The following PROKR1 variants were observed in gnomAD, a reference collection of about 807,000 sequenced individuals.
The protein encoded by PROKR1 is prokineticin receptor 1.
PROKR1 carries 21 observed loss-of-function variants against 22.8 expected under a neutral mutation model. That is an observed-to-expected ratio of 0.92 (90% CI 0.65 to 1.32). The LOEUF (loss-of-function observed/expected upper bound fraction) is 1.32, where lower values mean the gene tolerates loss of function less well. Among genes scored for constraint, PROKR1 ranks in the 40% most tolerant of loss-of-function variants. The pLI is 0.00. For synonymous variants in PROKR1, 193 were observed against 207.5 expected, an observed-to-expected ratio of 0.93 and a Z score of 0.60; for missense variants, 548 against 514.2, an observed-to-expected ratio of 1.07 and a Z score of -0.64.
At position 68,655,167 on chromosome 2, in the gene PROKR1, A is replaced by G. The variant is rs764251388; in HGVS notation, c.773A>G (p.Glu258Gly). The G allele has an allele frequency of 8.1e-6, 13 of 1,614,128 alleles. 1 individual carries two copies. The highest frequency in any genetic ancestry group is 1.6e-4 in the Middle Eastern group (1 of 6,062). Reference protein sequence around the residue: ...MTLCYARISRELWFKAVPGFQ... With the variant: ...MTLCYARISRGLWFKAVPGFQ... ...CTGTGCTATGCCAGGATCTCCCGGGAGCTCTGGTTCAAGGCGGTCCCTGGA... is the reference window on the plus strand; with the variant it reads ...CTGTGCTATGCCAGGATCTCCCGGGGGCTCTGGTTCAAGGCGGTCCCTGGA... Residue 258 changes from glutamate to glycine, a missense_variant, in exon 3 of 3, where the codon GAG (glutamate) becomes GGG (glycine). Transcript: ENST00000303786.
At chr2:68,649,037 C>T (rs1673249559) in intron 2 of PROKR1, among the ~76,000 whole-genome samples, 2 of 151,980 alleles carry the variant, frequency 1.3e-5, no homozygotes. Context: ...TAAATTAACC[C>T]TTATAGGAAT....
intron 2 of PROKR1, among the ~76,000 whole-genome samples, chr2:68,651,777 AT>A (rs1673337161): frequency 6.6e-6 from 1 of 152,180 alleles, no homozygotes; most frequent in South Asian, 2.1e-4. Flanking sequence ...TTTCCAGCCC[AT>A]TATTATCACA....
intron 2 of PROKR1, 138 bp downstream of exon 2, chr2:68,646,444 A>C (rs1056505186): frequency 1.6e-5 from 20 of 1,284,732 alleles, no homozygotes; most frequent in Non-Finnish European, 2.2e-5. Flanking sequence ...GGGGACTCAA[A>C]AGCTTGCCCA....
In PROKR1 at chr2:68,655,266, C is replaced by G. The variant is rs199986686; in HGVS notation, c.872C>G (p.Thr291Ser). ...KTVLVLMCIL[T>S]AYVLCWAPFY... is the part of the protein sequence containing the mutation. ...GTCCTGGTGCTCATGTGCATCCTCA[C>G]CGCCTACGTGCTATGCTGGGCGCCC... Residue 291 changes from threonine to serine, a missense_variant, in exon 3 of 3, where the codon ACC becomes AGC. Thr to Ser is a moderately conservative substitution (Grantham distance 58). Coordinates refer to ENST00000303786, the MANE Select transcript of PROKR1 (RefSeq NM_138964.4). 113 of 1,614,150 alleles carry G rather than the reference C, an allele frequency of 7.0e-5. No homozygotes were observed. The highest frequency in any genetic ancestry group is 9.2e-5 in the Non-Finnish European group (109 of 1,180,056).
intron 2 of PROKR1, 27 bp downstream of exon 2, chr2:68,646,333 A>C (rs1673179257): frequency 2.2e-5 from 36 of 1,613,752 alleles, no homozygotes; most frequent in Non-Finnish European, 3.1e-5. Context: ...TGGGGACAAC[A>C]AAGGCGGTCA....
chr2:68,648,707 T>G (rs556728998), intron 2 of PROKR1, among the ~76,000 whole-genome samples: 1 of 152,348 alleles, frequency 6.6e-6, no homozygotes, highest in Admixed American at 6.5e-5. Context: ...ATTTGATCAG[T>G]TGGGAGCAAC....
rs1673443291 is a variant in PROKR1, at chr2:68,655,828, A to G, written c.*252A>G. 3 of 530,660 alleles carry G rather than the reference A, an allele frequency of 5.7e-6. No homozygotes were observed. Among genetic ancestry groups the G allele is most frequent in the African/African-American group, 1.9e-5 (1 of 52,474 alleles). The allele number at this position is 530,660 out of a possible 1,614,324, so 32.9% of individuals were successfully genotyped here. A position where few individuals can be genotyped will look rare whatever the true frequency, so the allele number is the denominator to read the frequency against. On this transcript the variant is annotated 3_prime_UTR_variant, in exon 3 of 3. Coordinates refer to ENST00000303786, the MANE Select transcript of PROKR1 (RefSeq NM_138964.4). ...CTGGTAAAACCTATATATGTTGATG[A>G]CATTTAGTTGGCAAAATGAAATTGG...
chr2:68,654,922 C>A lies in PROKR1; in HGVS notation c.528C>A (p.Cys176Ter), dbSNP rs1435383922. 2 of 1,613,902 alleles carry A rather than the reference C, an allele frequency of 1.2e-6. No individual in the cohort carries two copies. The highest frequency in any genetic ancestry group is 1.7e-6 in the Non-Finnish European group (2 of 1,180,020). Residue 176 changes from cysteine (C) to a stop codon, truncating the protein, a stop_gained, in exon 3 of 3, where the codon TGC becomes TGA. Transcript: ENST00000303786. LOFTEE classifies it high-confidence loss of function. ...ATCCGCTGAGACCACGGATGAAGTG[C>A]CAAACAGCCACTGGCCTGATTGCCT... The part of the protein sequence containing the change: ...IVHPLRPRMK[C>*]QTATGLIALV...
chr2:68,647,433 T>C (rs937689820), intron 2 of PROKR1, among the ~76,000 whole-genome samples: 1 of 152,280 alleles, frequency 6.6e-6, no homozygotes, highest in South Asian at 2.1e-4. Flanking sequence ...CTGAACAGCC[T>C]GTCTCTCTCC....
rs1481314803 is a variant in PROKR1 at position 68,655,917 on chromosome 2, AG to A, written c.*342del. 2 of 376,552 alleles carry A rather than the reference AG, an allele frequency of 5.3e-6. No individual in the cohort carries two copies. Among genetic ancestry groups the A allele is most frequent in the Admixed American group, 7.9e-5 (2 of 25,304 alleles). 23.3% of individuals were successfully genotyped at this position (376,552 alleles called of 1,614,324 possible). A position where few individuals can be genotyped will look rare whatever the true frequency, so the allele number is the denominator to read the frequency against. On this transcript the variant is annotated 3_prime_UTR_variant, in exon 3 of 3. Transcript: ENST00000303786. ...AAGGGAGTTTCCACAAAAGAACTGGAGTAGGTATCTAGGATTGCAGTACATG... is the reference window on the plus strand; with the variant it reads ...AAGGGAGTTTCCACAAAAGAACTGGATAGGTATCTAGGATTGCAGTACATG...
At chr2:68,648,165 A>C (rs1368377279) in intron 2 of PROKR1, among the ~76,000 whole-genome samples, 11 of 152,128 alleles carry the variant, frequency 7.2e-5, no homozygotes, top group Non-Finnish European at 1.6e-4. Context: ...TACTCCCCGG[A>C]TGAGATCCAT....
At chr2:68,649,253 A>G (rs1558578501) in intron 2 of PROKR1, among the ~76,000 whole-genome samples, 1 of 152,208 alleles carries the variant, frequency 6.6e-6, no homozygotes, top group Non-Finnish European at 1.5e-5. Flanking sequence ...AACCTAGAAG[A>G]AAGTCTCCTT....
chr2:68,648,259 T>C (rs1673234615), intron 2 of PROKR1, among the ~76,000 whole-genome samples: 1 of 152,124 alleles, frequency 6.6e-6, no homozygotes, highest in African/African-American at 2.4e-5. Flanking sequence ...GGGCATTGGG[T>C]TATTTGGAAC....
chr2:68,656,843 A>G lies in PROKR1; in HGVS notation c.*1267A>G, dbSNP rs1267508019. On this transcript the variant is annotated 3_prime_UTR_variant, in exon 3 of 3. Coordinates refer to ENST00000303786, the MANE Select transcript of PROKR1 (RefSeq NM_138964.4). ...CCACACGTTTCTAGTCCTCAGCGTGAATGAAGTCATGTGATCCAGTGGCAG... is the reference window on the plus strand; with the variant it reads ...CCACACGTTTCTAGTCCTCAGCGTGGATGAAGTCATGTGATCCAGTGGCAG... The G allele has an allele frequency of 6.6e-6, 1 of 152,178 alleles. No individual in the cohort carries two copies. The highest frequency in any genetic ancestry group is 1.5e-5 in the Non-Finnish European group (1 of 68,052). 9.4% of individuals were successfully genotyped at this position (152,178 alleles called of 1,614,324 possible).
intron 2 of PROKR1, among the ~76,000 whole-genome samples, chr2:68,647,534 C>G (rs1456267074): frequency 6.6e-6 from 1 of 152,140 alleles, no homozygotes; most frequent in Non-Finnish European, 1.5e-5. Flanking sequence ...ACAGTCAGGA[C>G]AGTGTTCTAG....
At chr2:68,653,937 A>G (rs1673389754) in intron 2 of PROKR1, among the ~76,000 whole-genome samples, 2 of 152,142 alleles carry the variant, frequency 1.3e-5, no homozygotes, top group South Asian at 2.1e-4. Context: ...TTTTCACATC[A>G]ATCCTGTGAG....
Position 68,645,767 on chromosome 2 carries a change from C to A in PROKR1, c.-55C>A. 1.9e-6 allele frequency: 3 copies of A among 1,613,758 alleles called. No individual in the cohort carries two copies. Among genetic ancestry groups the A allele is most frequent in the Non-Finnish European group, 2.5e-6 (3 of 1,179,838 alleles). ...GCAGAGAGGGGTGACATCAGCCTTG[C>A]AGACATTGCCCTGGGGAATTCTGAG... is the stretch of plus-strand genomic sequence containing the variant. On this transcript the variant is annotated 5_prime_UTR_variant, in exon 2 of 3. Coordinates refer to ENST00000303786, the MANE Select transcript of PROKR1 (RefSeq NM_138964.4).
In PROKR1 at chr2:68,646,071, A is replaced by G. The variant is rs761806709; in HGVS notation, c.250A>G (p.Ile84Val). Residue 84 changes from isoleucine (I) to valine (V), a missense_variant, in exon 2 of 3, where the codon ATC (isoleucine) becomes GTC (valine). Transcript: ENST00000303786. ...LVCGIGNFIF[I>V]AALVRYKKLR... is the part of the protein sequence containing the mutation. ...CTGCGGCATTGGAAACTTCATCTTT[A>G]TCGCTGCCCTGGTCCGCTACAAGAA... is the stretch of plus-strand genomic sequence containing the variant. The G allele has an allele frequency of 5.0e-6, 8 of 1,614,192 alleles. No individual in the cohort carries two copies. Among genetic ancestry groups the G allele is most frequent in the Non-Finnish European group, 6.8e-6 (8 of 1,180,014 alleles).
At chr2:68,652,908 CTG>C (rs1673366556) in intron 2 of PROKR1, among the ~76,000 whole-genome samples, 1 of 152,176 alleles carries the variant, frequency 6.6e-6, no homozygotes, top group South Asian at 2.1e-4. Flanking sequence ...AAAACACACT[CTG>C]TGTTTGAAGC....
Sources: allele counts gnomAD v4.1 joint callset (sites outside exome capture counted in the v4.1 genomes callset), GRCh38; gene constraint gnomAD v4.1.1; transcripts MANE v1.5; gene names NCBI Gene and HGNC (gene_info 2026-07-23, HGNC 2026-07-21).